The following PKNOX2 variants were observed in gnomAD, a reference collection of about 807,000 sequenced individuals.
PKNOX2 encodes the protein PBX/knotted 1 homeobox 2.
Under a neutral mutation model 53.1 loss-of-function variants are expected in PKNOX2, and 14 were observed. The ratio of observed to expected loss-of-function variants is 0.26; its 90% CI spans 0.17 to 0.41. The LOEUF is 0.41. Among genes scored for constraint, PKNOX2 ranks in the 10% least tolerant of loss-of-function variants. PKNOX2 has a pLI of 1.00. For synonymous variants in PKNOX2, 257 were observed against 242.8 expected, an observed-to-expected ratio of 1.06 and a Z score of -0.54; for missense variants, 496 against 602.8, an observed-to-expected ratio of 0.82 and a Z score of 1.85.
rs1052718574 is a variant in PKNOX2 at position 125,165,538 on chromosome 11, C to T, written c.-201+762C>T. ...GGTGACCGGAGGAGTCGAGGAGCCG[C>T]GGCCGCGGCCTGGGGAGGCAGGGCG... On this transcript the variant is annotated intron_variant, in intron 1 of 12. Transcript: ENST00000298282. This position sits in a 1 kb window ranked among gnomAD's most constrained non-coding sequence, Gnocchi z 4.5. Among the ~76,000 whole-genome samples the T allele has an allele frequency of 6.6e-6, 1 of 152,110 alleles. No homozygotes were observed. Among genetic ancestry groups the T allele is most frequent in the Non-Finnish European group, 1.5e-5 (1 of 67,994 alleles).
chr11:125,189,881 G>A (rs930393460), intron 1 of PKNOX2: 2 of 151,666 alleles, frequency 1.3e-5, no homozygotes, highest in African/African-American at 4.8e-5. Context: ...GGATGGTTCT[G>A]GTTTAAATCT....
At chr11:125,262,657 C>A (rs956175057) in intron 2 of PKNOX2, among the ~76,000 whole-genome samples, 4 of 151,318 alleles carry the variant, frequency 2.6e-5, no homozygotes, top group African/African-American at 7.3e-5. Context: ...TTTGTCTGTG[C>A]AATCCTCTCT....
chr11:125,327,576 C>T (rs1435553648), intron 2 of PKNOX2, among the ~76,000 whole-genome samples: 2 of 152,124 alleles, frequency 1.3e-5, no homozygotes, highest in Non-Finnish European at 2.9e-5. Context: ...GTCCCTCTGC[C>T]TGCAATCTAG....
intron 7 of PKNOX2, among the ~76,000 whole-genome samples, chr11:125,408,354 C>G (rs544548053): frequency 1.3e-5 from 2 of 152,316 alleles, no homozygotes; most frequent in South Asian, 2.1e-4. Context: ...CTAGGCGGCT[C>G]CCACGGGGCC....
chr11:125,382,499 G>A (rs1023232895), intron 5 of PKNOX2, among the ~76,000 whole-genome samples: 1 of 152,198 alleles, frequency 6.6e-6, no homozygotes, highest in African/African-American at 2.4e-5. Flanking sequence ...GTACAGAGTC[G>A]ATTTGTGCCT....
At chr11:125,222,731 GTGTGTGTCTGTGTC>G (rs1293758341) in intron 1 of PKNOX2, among the ~76,000 whole-genome samples, 21 of 150,554 alleles carry the variant, frequency 1.4e-4, no homozygotes, top group Non-Finnish European at 1.9e-4. Context: ...GTGTGTATGT[GTGTGTGTCTGTGTC>G]TGTGTGCCTG....
intron 6 of PKNOX2, among the ~76,000 whole-genome samples, chr11:125,390,066 T>G (rs1033778134): frequency 1.8e-4 from 27 of 152,166 alleles, no homozygotes; most frequent in Non-Finnish European, 3.5e-4. Flanking sequence ...CGGGCTCTCT[T>G]TGCCTAGACA....
intron 1 of PKNOX2, among the ~76,000 whole-genome samples, chr11:125,193,027 C>T (rs1177052516): frequency 1.3e-5 from 2 of 152,200 alleles, no homozygotes; most frequent in African/African-American, 2.4e-5. Flanking sequence ...CTCAGGGTCA[C>T]TTCTGTCAGC....
Position 125,396,946 on chromosome 11 carries a change from G to C in PKNOX2, c.400-928G>C, listed in dbSNP as rs1954445255. ...CAGAAAACAAAATTGCATGCACAAG[G>C]TTATTGAAACTATGTTAAAATATAT... is the stretch of plus-strand genomic sequence containing the variant. On this transcript the variant is annotated intron_variant, in intron 6 of 12. Transcript: ENST00000298282. Among the ~76,000 whole-genome samples the C allele has an allele frequency of 2.6e-5, 4 of 152,282 alleles. No homozygotes were observed. The South Asian group carries it at 8.3e-4, about 32-fold the overall frequency.
At chr11:125,175,249 AAAGAAGGAAGGAAGG>A (rs1400203946) in intron 1 of PKNOX2, among the ~76,000 whole-genome samples, 31 of 80,182 alleles carry the variant, frequency 3.9e-4, no homozygotes, top group Admixed American at 2.8e-3. Context: ...GGAAGGAAGG[AAAGAAGGAAGGAAGG>A]AGGGAGAGCT....
intron 2 of PKNOX2, among the ~76,000 whole-genome samples, chr11:125,328,481 A>G (rs1949959838): frequency 6.6e-6 from 1 of 151,820 alleles, no homozygotes; most frequent in South Asian, 2.1e-4. Context: ...ATATATGGGG[A>G]CTAAATTGAA....
At chr11:125,247,213 T>TACC (rs1943629329) in intron 2 of PKNOX2, among the ~76,000 whole-genome samples, 2 of 152,198 alleles carry the variant, frequency 1.3e-5, no homozygotes, top group African/African-American at 2.4e-5. Context: ...TGTTCCTCTG[T>TACC]GCTTATCCAC....
In PKNOX2 at chr11:125,350,971, C is replaced by T. The variant is rs112726227; in HGVS notation, c.-22-313C>T. ...CCCCCGGTGCTGCTACCAGGCAGGC[C>T]CCCTCCCTCTTCGTGCCCCCTCCCC... is the stretch of plus-strand genomic sequence containing the variant. On this transcript the variant is annotated intron_variant, in intron 3 of 12. Transcript: ENST00000298282. Among the ~76,000 whole-genome samples the T allele has an allele frequency of 1.8e-3, 268 of 152,250 alleles. 2 individuals carry two copies. Among genetic ancestry groups the T allele is most frequent in the African/African-American group, 6.0e-3 (250 of 41,524 alleles).
intron 3 of PKNOX2, among the ~76,000 whole-genome samples, chr11:125,337,032 CATA>C (rs1205786988): frequency 2.0e-5 from 3 of 151,004 alleles, no homozygotes; most frequent in Non-Finnish European, 2.9e-5. Context: ...TTATATTTTG[CATA>C]ATAATAAGTT....
intron 7 of PKNOX2, among the ~76,000 whole-genome samples, chr11:125,400,104 A>T (rs1954647653): frequency 6.6e-6 from 1 of 152,118 alleles, no homozygotes; most frequent in African/African-American, 2.4e-5. Flanking sequence ...GCCCTGGGGT[A>T]CCCACGGCAG....
intron 2 of PKNOX2, among the ~76,000 whole-genome samples, chr11:125,313,222 C>T (rs1426152): frequency 0.3 from 46,221 of 151,798 alleles, 9,412 homozygotes; most frequent in African/African-American, 0.57. Flanking sequence ...GGCAGTGCCC[C>T]TCATCCAAAC....
At chr11:125,369,124 C>A (rs993022266) in intron 5 of PKNOX2, among the ~76,000 whole-genome samples, 3 of 152,232 alleles carry the variant, frequency 2.0e-5, no homozygotes, top group Non-Finnish European at 1.5e-5. Context: ...TATTCTCATT[C>A]TCATCGGCAT....
chr11:125,395,728 A>G (rs1485521442), intron 6 of PKNOX2, among the ~76,000 whole-genome samples: 1 of 152,140 alleles, frequency 6.6e-6, no homozygotes, highest in Non-Finnish European at 1.5e-5. Context: ...TATCCTCTTC[A>G]GTGAAATGTC....
intron 1 of PKNOX2, among the ~76,000 whole-genome samples, chr11:125,204,028 C>T (rs1436253978): frequency 6.6e-6 from 1 of 152,148 alleles, no homozygotes. Flanking sequence ...GAATTGCCTT[C>T]CCCAGAGACG....
Sources: gnomAD v4.1 joint callset for allele counts (sites outside exome capture counted in the v4.1 genomes callset) on GRCh38, gnomAD v4.1.1 for gene constraint, Gnocchi (gnomAD v3.1) non-coding constraint, MANE v1.5 for transcripts, NCBI Gene and HGNC (gene_info 2026-07-23, HGNC 2026-07-21) for gene names.